Variants in CIT observed in about 807,000 individuals in gnomAD.
The protein encoded by CIT is citron Rho-interacting kinase.
Under a neutral mutation model 272.7 loss-of-function variants are expected in CIT, and 79 were observed. The observed-to-expected ratio is 0.29, with a 90% CI of 0.24 to 0.35. The LOEUF (loss-of-function observed/expected upper bound fraction) is 0.35, where lower values mean the gene tolerates loss of function less well. CIT is among the 10% of genes least tolerant of loss of function. CIT has a pLI of 1.00. For synonymous variants in CIT, 948 were observed against 995.6 expected (o/e 0.95, Z 0.90); for missense variants, 1,909 against 2,618.3 (o/e 0.73, Z 5.91).
intron 40 of CIT, among the ~76,000 whole-genome samples, chr12:119,706,867 C>G (rs936413417): frequency 1.3e-5 from 2 of 152,224 alleles, no homozygotes; most frequent in Non-Finnish European, 2.9e-5. Context: ...CCCACACTGT[C>G]TTCCACAATG....
intron 10 of CIT, among the ~76,000 whole-genome samples, chr12:119,802,503 G>C (rs1966280036): frequency 1.3e-5 from 2 of 152,106 alleles, no homozygotes; most frequent in Admixed American, 6.5e-5. Flanking sequence ...CCATTTTCTA[G>C]TCTCCTGGTT....
chr12:119,829,700 C>G (rs943307994), intron 7 of CIT, among the ~76,000 whole-genome samples: 1 of 152,210 alleles, frequency 6.6e-6, no homozygotes, highest in Non-Finnish European at 1.5e-5. Flanking sequence ...GTTCACCATT[C>G]TTTGAGATTC....
At position 119,869,267 on chromosome 12, in the gene CIT, C is replaced by T. The variant is rs1469353462; in HGVS notation, c.97-66G>A. 16 of 1,487,466 alleles carry T rather than the reference C, an allele frequency of 1.1e-5. No individual in the cohort carries two copies. The Admixed American group carries it at 3.7e-4, about 34-fold the overall frequency. The allele number at this position is 1,487,466 out of a possible 1,614,324, so 92.1% of individuals were successfully genotyped here. On this transcript the variant is annotated intron_variant, in intron 2 of 47. Coordinates refer to ENST00000392521, the MANE Select transcript of CIT (RefSeq NM_001206999.2). ...GAAAAGCTTTGATCAATAACATCCA[C>T]ACAGAGTAAATTACAAGCCACCAAC...
chr12:119,734,949 C>T (rs1958671537), intron 25 of CIT, among the ~76,000 whole-genome samples: 1 of 151,904 alleles, frequency 6.6e-6, no homozygotes, highest in Admixed American at 6.6e-5. Context: ...CCACACTGGC[C>T]CTATTTTTTA....
chr12:119,835,855 C>T (rs148681500), intron 5 of CIT, among the ~76,000 whole-genome samples: 4 of 152,270 alleles, frequency 2.6e-5, no homozygotes, highest in East Asian at 3.9e-4. Context: ...CAGTGACTCG[C>T]GCATCCTCCC....
rs1261754208 is a variant in CIT at position 119,832,808 on chromosome 12, T to G, written c.716A>C (p.Asp239Ala). Residue 239 changes from aspartate (D) to alanine (A), a missense_variant, in exon 7 of 48, where the codon GAT becomes GCT. By Grantham distance (126) the Asp-to-Ala change is moderately radical. Around this residue, in one of 8 missense-constraint regions of CIT, gnomAD observed 529 missense variants for 549.6 expected, o/e 0.96. Coordinates refer to ENST00000392521, the MANE Select transcript of CIT (RefSeq NM_001206999.2). ...VDRTGHIKLV[D>A]FGSAAKMNSN... is the part of the protein sequence containing the mutation. The stretch of plus-strand genomic sequence containing the variant: ...ATTCATTTTCGCGGCAGATCCAAAA[T>G]CCACCAGCTTGATGTGTCCTGTGCG... 3.7e-6 allele frequency: 6 copies of G among 1,614,158 alleles called. No homozygotes were observed. The highest frequency in any genetic ancestry group is 4.2e-6 in the Non-Finnish European group (5 of 1,179,998).
intron 22 of CIT, among the ~76,000 whole-genome samples, chr12:119,753,519 G>A (rs920585037): frequency 3.3e-5 from 5 of 152,002 alleles, no homozygotes; most frequent in Admixed American, 6.5e-5. Context: ...GGCAGATCAC[G>A]AGGTCAGGAG....
chr12:119,836,355 C>T (rs1396636634), intron 5 of CIT, among the ~76,000 whole-genome samples: 1 of 129,550 alleles, frequency 7.7e-6, no homozygotes, highest in Non-Finnish European at 1.6e-5. Flanking sequence ...CAGCACCTAA[C>T]ATACACACCT....
In CIT at chr12:119,743,555, A is replaced by G. The variant is rs188924803; in HGVS notation, c.2905-1091T>C. Among the ~76,000 whole-genome samples, 14 of 152,364 alleles carry G rather than the reference A, an allele frequency of 9.2e-5. No individual in the cohort carries two copies. The East Asian group carries it at 2.5e-3, about 27-fold the overall frequency. On this transcript the variant is annotated intron_variant, in intron 23 of 47. Coordinates refer to ENST00000392521, the MANE Select transcript of CIT (RefSeq NM_001206999.2). ...TATCCAGTGAAGTAGAATAAAAAAG[A>G]TAGAATTGAAAACATCAGAATGTGC... is the stretch of plus-strand genomic sequence containing the variant.
intron 13 of CIT, 50 bp from the exon 14 acceptor site, chr12:119,776,892 ATAGAC>A: frequency 6.3e-7 from 1 of 1,577,490 alleles, no homozygotes; most frequent in Non-Finnish European, 8.7e-7. Context: ...TCCGAAAAGA[ATAGAC>A]AGGCAGTGAG....
chr12:119,782,783 G>C (rs1436718301), intron 12 of CIT, 146 bp from the exon 13 acceptor site: 1 of 975,048 alleles, frequency 1.0e-6, no homozygotes, highest in Non-Finnish European at 1.5e-6. Flanking sequence ...GTTGGTTGCC[G>C]ACTCCGGTTT....
In CIT at chr12:119,804,425, G is replaced by T. The variant is rs560424492; in HGVS notation, c.1112-1036C>A. ...AGGCTGCATGCTCCCGGCTCCGTGC[G>T]TGCGTGCTCTGGCTGGAACCCCACC... On this transcript the variant is annotated intron_variant, in intron 9 of 47. Transcript: ENST00000392521. This position sits in a 1 kb window ranked among gnomAD's most constrained non-coding sequence, Gnocchi z 5.3. 2 of 985,700 alleles carry T rather than the reference G, an allele frequency of 2.0e-6. No homozygotes were observed. The highest frequency in any genetic ancestry group is 2.4e-6 in the Non-Finnish European group (2 of 830,250). The allele number at this position is 985,700 out of a possible 1,614,324, so 61.1% of individuals were successfully genotyped here. A position where few individuals can be genotyped will look rare whatever the true frequency, so the allele number is the denominator to read the frequency against.
Position 119,785,026 on chromosome 12 carries a change from G to T in CIT, c.1335C>A (p.Ser445Arg), listed in dbSNP as rs746713545. The stretch of plus-strand genomic sequence containing the variant: ...TGATGAGAAGTTTCTTTTCCATGGA[G>T]CTAGTCTTGGCAGGGGAGTCCAGAC... The part of the protein sequence containing the change: ...VSGLDSPAKT[S>R]SMEKKLLIKS... Residue 445 changes from serine to arginine, a missense_variant, in exon 11 of 48, where the codon AGC becomes AGA. This residue lies in a region of CIT where 529 missense variants were observed against 549.6 expected (regional missense o/e 0.96). Coordinates refer to ENST00000392521, the MANE Select transcript of CIT (RefSeq NM_001206999.2). 6.2e-7 allele frequency: 1 copy of T among 1,614,202 alleles called. No homozygotes were observed. Among genetic ancestry groups the T allele is most frequent in the Non-Finnish European group, 8.5e-7 (1 of 1,180,040 alleles).
chr12:119,857,825 C>G (rs1950217816), intron 3 of CIT, 127 bp from the exon 4 acceptor site: 1 of 820,380 alleles, frequency 1.2e-6, no homozygotes, highest in Admixed American at 2.7e-5. Flanking sequence ...CATTCACTTT[C>G]TCATCCATCA....
intron 5 of CIT, among the ~76,000 whole-genome samples, chr12:119,836,156 G>A (rs1364431262): frequency 6.6e-6 from 1 of 151,526 alleles, no homozygotes; most frequent in Non-Finnish European, 1.5e-5. Flanking sequence ...GCATGGTGGT[G>A]CATGCCTGTA....
At chr12:119,864,456 C>T (rs1485866209) in intron 3 of CIT, among the ~76,000 whole-genome samples, 2 of 152,190 alleles carry the variant, frequency 1.3e-5, no homozygotes, top group Non-Finnish European at 2.9e-5. Flanking sequence ...CAGCCTCAGC[C>T]TCCCAAGTAG....
At chr12:119,812,973 G>A (rs1054829895) in intron 9 of CIT, among the ~76,000 whole-genome samples, 1 of 152,178 alleles carries the variant, frequency 6.6e-6, no homozygotes, top group African/African-American at 2.4e-5. Context: ...CCTAGGCACA[G>A]GCATAGCAGG....
chr12:119,734,502 G>T, intron 25 of CIT, 145 bp from the exon 26 acceptor site: 1 of 831,666 alleles, frequency 1.2e-6, no homozygotes, highest in Non-Finnish European at 1.9e-6. Flanking sequence ...AGCCCAAGGG[G>T]ACCAGGCAAG....
At chr12:119,773,417 T>C (rs1478990236) in intron 16 of CIT, among the ~76,000 whole-genome samples, 1 of 152,180 alleles carries the variant, frequency 6.6e-6, no homozygotes, top group Admixed American at 6.5e-5. Context: ...AAACATATCA[T>C]TCAAATGACT....
Sources: allele counts gnomAD v4.1 joint callset (sites outside exome capture counted in the v4.1 genomes callset), GRCh38; gene constraint gnomAD v4.1.1; regional missense constraint gnomAD v4.1.1; non-coding constraint Gnocchi (gnomAD v3.1); transcripts MANE v1.5; gene names NCBI Gene and HGNC (gene_info 2026-07-23, HGNC 2026-07-21).